Variants in SLC14A2 observed in about 807,000 individuals in gnomAD.
The protein encoded by SLC14A2 is urea transporter 2.
SLC14A2 carries 91 observed loss-of-function variants against 104.6 expected under a neutral mutation model. The observed-to-expected ratio is 0.87, with a 90% CI of 0.73 to 1.04. The LOEUF (loss-of-function observed/expected upper bound fraction) is 1.04. Ranked by LOEUF, SLC14A2 falls within the 50% of genes least tolerant of loss-of-function variation. The pLI is 0.00. For synonymous variants in SLC14A2, 476 were observed against 466.4 expected (o/e 1.02, Z -0.27); for missense variants, 1,189 against 1,156.0 (o/e 1.03, Z -0.41).
chr18:45,632,313 C>G, intron 4 of SLC14A2, 37 bp from the exon 5 acceptor site: 1 of 1,600,442 alleles, frequency 6.2e-7, no homozygotes, highest in East Asian at 2.3e-5. Context: ...GTAACACCAC[C>G]AACTTCAAAT....
intron 1 of SLC14A2, among the ~76,000 whole-genome samples, chr18:45,619,495 C>G (rs1284122576): frequency 6.6e-6 from 1 of 152,182 alleles, no homozygotes; most frequent in Non-Finnish European, 1.5e-5. Context: ...TTTTGGGAGC[C>G]CCTTGCCAGA....
intron 2 of SLC14A2, among the ~76,000 whole-genome samples, chr18:45,561,243 G>A (rs1004222309): frequency 4.6e-5 from 7 of 152,144 alleles, no homozygotes; most frequent in African/African-American, 1.2e-4. Flanking sequence ...TGAAGGCAAC[G>A]TGCCTGTCGG....
At chr18:45,599,722 T>C (rs900919392) in intron 2 of SLC14A2, among the ~76,000 whole-genome samples, 1 of 152,190 alleles carries the variant, frequency 6.6e-6, no homozygotes, top group Non-Finnish European at 1.5e-5. Context: ...GATAAAGATA[T>C]ACCTGAGACT....
intron 1 of SLC14A2, among the ~76,000 whole-genome samples, chr18:45,257,995 G>A (rs1244107181): frequency 6.6e-6 from 1 of 152,158 alleles, no homozygotes; most frequent in African/African-American, 2.4e-5. Flanking sequence ...AACTACAGTA[G>A]TCACAACTGT....
At chr18:45,227,162 C>A (rs1181043412) in intron 1 of SLC14A2, among the ~76,000 whole-genome samples, 2 of 152,178 alleles carry the variant, frequency 1.3e-5, no homozygotes, top group East Asian at 3.9e-4. Context: ...GAGAAAGAGT[C>A]ACACTAGCCT....
At chr18:45,540,203 C>T (rs1226944311) in intron 2 of SLC14A2, among the ~76,000 whole-genome samples, 2 of 152,054 alleles carry the variant, frequency 1.3e-5, no homozygotes, top group Non-Finnish European at 2.9e-5. Flanking sequence ...GTGGGCAGGA[C>T]CTCCCAGCCC....
intron 2 of SLC14A2, among the ~76,000 whole-genome samples, chr18:45,534,755 G>C (rs2043754468): frequency 6.6e-6 from 1 of 152,158 alleles, no homozygotes; most frequent in Non-Finnish European, 1.5e-5. Flanking sequence ...GAACCTCAGA[G>C]ATCATTATTC....
At chr18:45,183,155 C>T in the SLC14A2 span, among the ~76,000 whole-genome samples, 2 of 152,264 alleles carry the variant, frequency 1.3e-5, no homozygotes, top group African/African-American at 4.8e-5. Flanking sequence ...AGTGCATTCC[C>T]ACTGAACCAG....
chr18:45,396,153 CTG>C, intron 1 of SLC14A2, among the ~76,000 whole-genome samples: 3 of 152,028 alleles, frequency 2.0e-5, no homozygotes, highest in Non-Finnish European at 4.4e-5. Flanking sequence ...TTCTTTTTAC[CTG>C]AGTTCAGATC....
intron 2 of SLC14A2, among the ~76,000 whole-genome samples, chr18:45,566,122 T>C (rs1263351000): frequency 6.6e-6 from 1 of 152,212 alleles, no homozygotes; most frequent in African/African-American, 2.4e-5. Context: ...ATAACCCAAA[T>C]GTCAATTCAG....
At chr18:45,199,266 C>T in the SLC14A2 span, among the ~76,000 whole-genome samples, 1 of 152,096 alleles carries the variant, frequency 6.6e-6, no homozygotes, top group African/African-American at 2.4e-5. Context: ...AATCTGAAGG[C>T]TCCTGTGTCT....
intron 1 of SLC14A2, among the ~76,000 whole-genome samples, chr18:45,455,280 T>G (rs2086923337): frequency 6.6e-6 from 1 of 151,864 alleles, no homozygotes; most frequent in African/African-American, 2.4e-5. Context: ...AGAAAGAAAA[T>G]GTGGCACATA....
chr18:45,622,948 A>G (rs541468444), intron 1 of SLC14A2, among the ~76,000 whole-genome samples: 3 of 152,308 alleles, frequency 2.0e-5, no homozygotes, highest in East Asian at 1.9e-4. Flanking sequence ...TTCTCTAGCC[A>G]TGTTCAGTTG....
At chr18:45,602,584 C>G (rs941449428) in intron 2 of SLC14A2, among the ~76,000 whole-genome samples, 2 of 152,180 alleles carry the variant, frequency 1.3e-5, no homozygotes, top group African/African-American at 4.8e-5. Context: ...GCTGCTCTAC[C>G]CTCTGCAGAG....
chr18:45,591,222 T>TAAGC (rs2044642619), intron 2 of SLC14A2, among the ~76,000 whole-genome samples: 1 of 152,254 alleles, frequency 6.6e-6, no homozygotes, highest in Admixed American at 6.5e-5. Flanking sequence ...ACTAATAATC[T>TAAGC]AAGCCAATGC....
intron 1 of SLC14A2, among the ~76,000 whole-genome samples, chr18:45,482,203 A>G (rs1368461566): frequency 6.6e-6 from 1 of 152,230 alleles, no homozygotes; most frequent in Non-Finnish European, 1.5e-5. Context: ...AAGTACAATA[A>G]TATTCATTGC....
chr18:45,482,841 G>T lies in SLC14A2; in HGVS notation c.-124-392G>T, dbSNP rs143670716. On this transcript the variant is annotated intron_variant, in intron 1 of 20. Coordinates refer to the SLC14A2 transcript ENST00000586448. ...GAACACAAGGGGGTGGGGATCAAAG[G>T]GAATCATCTTAGAATGTGTCCACCA... 1.5e-3 allele frequency among the ~76,000 whole-genome samples: 235 copies of T among 152,222 alleles called. 1 individual carries two copies. Among genetic ancestry groups the T allele is most frequent in the African/African-American group, 5.5e-3 (229 of 41,542 alleles).
intron 10 of SLC14A2, among the ~76,000 whole-genome samples, chr18:45,644,935 G>A (rs8089902): frequency 0.38 from 58,014 of 152,038 alleles, 12,083 homozygotes; most frequent in Middle Eastern, 0.53. Context: ...TGCCATGGTG[G>A]TTTGCTGCAC....
At chr18:45,553,840 C>T (rs985886989) in intron 2 of SLC14A2, among the ~76,000 whole-genome samples, 1 of 152,064 alleles carries the variant, frequency 6.6e-6, no homozygotes, top group Non-Finnish European at 1.5e-5. Flanking sequence ...GCTTTCTTTC[C>T]CTCCTAAAGT....
Sources: allele counts gnomAD v4.1 joint callset (sites outside exome capture counted in the v4.1 genomes callset), GRCh38; gene constraint gnomAD v4.1.1; transcripts MANE v1.5; gene names NCBI Gene and HGNC (gene_info 2026-07-23, HGNC 2026-07-21).